CTNND2: variants seen among roughly 807,000 people sequenced by gnomAD.
CTNND2 encodes catenin delta 2.
A neutral mutation model predicts 144.4 loss-of-function variants in CTNND2; 22 were observed. That is an observed-to-expected ratio of 0.15 (90% CI 0.11 to 0.22). The LOEUF (loss-of-function observed/expected upper bound fraction) is 0.22. Ranked by LOEUF, CTNND2 falls within the 10% of genes least tolerant of loss-of-function variation. The pLI is 1.00. For missense variants in CTNND2, 1,353 were observed against 1,618.8 expected (o/e 0.84, Z 2.82); for synonymous variants, 751 against 695.6 (o/e 1.08, Z -1.25).
chr5:11,466,313 A>G (rs562315245), intron 3 of CTNND2, among the ~76,000 whole-genome samples: 23 of 152,354 alleles, frequency 1.5e-4, no homozygotes, highest in African/African-American at 5.5e-4. Context: ...TTGTACAGTC[A>G]TTCACCTAAA....
intron 1 of CTNND2, among the ~76,000 whole-genome samples, chr5:11,815,327 G>T (rs1421418314): frequency 1.3e-5 from 2 of 152,074 alleles, no homozygotes; most frequent in Middle Eastern, 3.2e-3. Flanking sequence ...CTTAACATAT[G>T]GAACTTGTAG....
intron 9 of CTNND2, among the ~76,000 whole-genome samples, chr5:11,283,482 T>C (rs1017057158): frequency 6.6e-6 from 1 of 151,882 alleles, no homozygotes; most frequent in Non-Finnish European, 1.5e-5. Context: ...GAGACCAGCC[T>C]GGCCAACATA....
intron 2 of CTNND2, among the ~76,000 whole-genome samples, chr5:11,691,831 C>A (rs950115633): frequency 6.6e-6 from 1 of 152,142 alleles, no homozygotes; most frequent in Non-Finnish European, 1.5e-5. Flanking sequence ...TTACAGGCTG[C>A]AGTAAGCTAT....
chr5:11,315,530 A>G (rs1399590411), intron 9 of CTNND2, among the ~76,000 whole-genome samples: 1 of 152,220 alleles, frequency 6.6e-6, no homozygotes. Context: ...ATTTAATTTA[A>G]GGTAAATTAA....
In CTNND2 at chr5:11,569,332, G is replaced by A. The variant is rs79721726; in HGVS notation, c.175-4276C>T. Reference sequence around the variant, plus strand: ...GATCATAAATATTCATAAAAGTATTGGAGATATGATGCAAAAGTTCATTAA... The same window carrying A: ...GATCATAAATATTCATAAAAGTATTAGAGATATGATGCAAAAGTTCATTAA... On this transcript the variant is annotated intron_variant, in intron 2 of 21. Transcript: ENST00000304623. 9.0e-3 allele frequency among the ~76,000 whole-genome samples: 1,376 copies of A among 152,216 alleles called. 18 individuals are homozygous for A. The highest frequency in any genetic ancestry group is 0.03 in the African/African-American group (1,248 of 41,526).
At chr5:11,021,831 G>T (rs1742288147) in intron 17 of CTNND2, among the ~76,000 whole-genome samples, 1 of 151,890 alleles carries the variant, frequency 6.6e-6, no homozygotes, top group Admixed American at 6.6e-5. Context: ...GGGGTGGCTT[G>T]GCAGGGAATG....
intron 9 of CTNND2, among the ~76,000 whole-genome samples, chr5:11,247,381 C>CGCCT (rs1336750798): frequency 2.0e-5 from 3 of 152,180 alleles, no homozygotes; most frequent in Admixed American, 2.0e-4. Context: ...GCCTACTCCA[C>CGCCT]GCCTCCCACC....
intron 9 of CTNND2, among the ~76,000 whole-genome samples, chr5:11,284,022 A>G (rs1421569568): frequency 6.6e-6 from 1 of 152,116 alleles, no homozygotes; most frequent in Non-Finnish European, 1.5e-5. Context: ...GTTTCTCAAT[A>G]CTGAGATGGT....
intron 3 of CTNND2, among the ~76,000 whole-genome samples, chr5:11,448,112 T>C (rs1469880824): frequency 6.6e-6 from 1 of 152,152 alleles, no homozygotes; most frequent in African/African-American, 2.4e-5. Flanking sequence ...TTCACACATT[T>C]GTGGTTTTTC....
chr5:11,832,504 T>TA (rs1342438687), intron 1 of CTNND2, among the ~76,000 whole-genome samples: 1 of 152,054 alleles, frequency 6.6e-6, no homozygotes, highest in African/African-American at 2.4e-5. Context: ...CAAAAGGTGT[T>TA]AAAAAATACT....
At chr5:11,705,143 C>G (rs1403085718) in intron 2 of CTNND2, among the ~76,000 whole-genome samples, 1 of 152,120 alleles carries the variant, frequency 6.6e-6, no homozygotes, top group African/African-American at 2.4e-5. Flanking sequence ...AAATCATCTC[C>G]AAATAGCCAA....
In CTNND2 at chr5:11,817,718, G is replaced by A. The variant is rs201243346; in HGVS notation, c.38-85446C>T. Among the ~76,000 whole-genome samples the A allele has an allele frequency of 7.6e-4, 115 of 152,154 alleles. 1 individual carries two copies. The highest frequency in any genetic ancestry group is 3.4e-3 in the Middle Eastern group (1 of 294). On this transcript the variant is annotated intron_variant, in intron 1 of 21. Coordinates refer to ENST00000304623, the MANE Select transcript of CTNND2 (RefSeq NM_001332.4). The stretch of plus-strand genomic sequence containing the variant: ...TCCACGCTCTGTCTCCACAGGTTAC[G>A]GCGGGGATGGGATGCGAGTCCACTC...
chr5:11,107,029 G>A (rs1357071216), intron 14 of CTNND2, among the ~76,000 whole-genome samples: 3 of 152,182 alleles, frequency 2.0e-5, no homozygotes, highest in Admixed American at 1.3e-4. Context: ...AGACTCAAGA[G>A]ACCGGAGTTC....
At chr5:11,757,699 T>C (rs1789029109) in intron 1 of CTNND2, among the ~76,000 whole-genome samples, 1 of 152,014 alleles carries the variant, frequency 6.6e-6, no homozygotes, top group African/African-American at 2.4e-5. Flanking sequence ...TAAAATGACA[T>C]TTTAAACTGT....
intron 2 of CTNND2, among the ~76,000 whole-genome samples, chr5:11,572,616 C>T (rs1213399053): frequency 1.3e-5 from 2 of 152,104 alleles, no homozygotes; most frequent in Admixed American, 1.3e-4. Context: ...CTCCTCCTTT[C>T]CTACGACTGA....
intron 12 of CTNND2, among the ~76,000 whole-genome samples, chr5:11,124,633 C>T (rs1034177118): frequency 6.6e-5 from 10 of 152,138 alleles, no homozygotes; most frequent in African/African-American, 2.4e-4. Flanking sequence ...CTTCTTTCAA[C>T]AACCTTTTAA....
intron 12 of CTNND2, among the ~76,000 whole-genome samples, chr5:11,125,479 C>T (rs1754586239): frequency 6.6e-6 from 1 of 152,234 alleles, no homozygotes; most frequent in East Asian, 1.9e-4. Context: ...CCGGGAGGTG[C>T]TGCTGGGAAT....
At chr5:11,829,237 G>C (rs922169455) in intron 1 of CTNND2, among the ~76,000 whole-genome samples, 3 of 152,196 alleles carry the variant, frequency 2.0e-5, no homozygotes, top group African/African-American at 7.2e-5. Context: ...TTTCTGAAAA[G>C]AAATCCAAGC....
chr5:11,619,479 C>T (rs1410467718), intron 2 of CTNND2, among the ~76,000 whole-genome samples: 2 of 152,088 alleles, frequency 1.3e-5, no homozygotes, highest in Admixed American at 1.3e-4. Context: ...TCTGGCACTG[C>T]ATGCAGTCTG....
Sources: allele counts gnomAD v4.1 joint callset (sites outside exome capture counted in the v4.1 genomes callset), GRCh38; gene constraint gnomAD v4.1.1; transcripts MANE v1.5; gene names NCBI Gene and HGNC (gene_info 2026-07-23, HGNC 2026-07-21).